CC2D2B: variants seen among roughly 807,000 people sequenced by gnomAD.
CC2D2B encodes coiled-coil and C2 domain containing 2B.
CC2D2B carries 128 observed loss-of-function variants against 161.2 expected under a neutral mutation model. The observed-to-expected ratio is 0.79, with a 90% confidence interval of 0.69 to 0.92. CC2D2B has a LOEUF of 0.92. CC2D2B is among the 40% of genes least tolerant of loss of function. The probability of loss-of-function intolerance (pLI) is 0.00; values close to 1 mark genes in which losing one functional copy is unlikely to be tolerated. For synonymous variants in CC2D2B, 391 were observed against 449.8 expected (o/e 0.87, Z 1.65); for missense variants, 1,173 against 1,375.1 (o/e 0.85, Z 2.32).
chr10:96,010,045 G>C (rs994889893), intron 26 of CC2D2B, 122 bp downstream of exon 26: 9 of 613,150 alleles, frequency 1.5e-5, no homozygotes, highest in African/African-American at 1.3e-4. Context: ...AGATGATCCT[G>C]TATTAGAATG....
At position 96,018,728 on chromosome 10, in the gene CC2D2B, TTTTC is replaced by T. The variant is rs1324112169; in HGVS notation, c.3631-467_3631-464del. The T allele has an allele frequency of 2.5e-5, 3 of 119,290 alleles. No homozygotes were observed. The East Asian group carries it at 1.2e-3, about 49-fold the overall frequency. 7.4% of individuals were successfully genotyped at this position (119,290 alleles called of 1,614,324 possible). On this transcript the variant is annotated intron_variant, in intron 30 of 34. Transcript: ENST00000646931. ...TCTGGAGCTTTGGTTTGTTTTTTCT[TTTTC>T]TTTCTTTTTTTTTTTTTTATTTCAA... is the stretch of plus-strand genomic sequence containing the variant.
Position 96,016,199 on chromosome 10 carries a change from A to G in CC2D2B, c.3517-2A>G. Reference sequence around the variant, plus strand: ...GTTCCTATTGCTTTTGTTTTGTCTTAGCACTGCATCAGTTTAGCTATCGGA... The same window carrying G: ...GTTCCTATTGCTTTTGTTTTGTCTTGGCACTGCATCAGTTTAGCTATCGGA... On this transcript the variant is annotated splice_acceptor_variant, in intron 29 of 34. Transcript: ENST00000646931. LOFTEE classifies it high-confidence loss of function. 1.3e-6 allele frequency: 2 copies of G among 1,599,282 alleles called. No homozygotes were observed. The highest frequency in any genetic ancestry group is 8.6e-7 in the Non-Finnish European group (1 of 1,167,746).
chr10:95,926,251 G>A (rs1293820977), intron 5 of CC2D2B, among the ~76,000 whole-genome samples: 1 of 151,994 alleles, frequency 6.6e-6, no homozygotes, highest in Non-Finnish European at 1.5e-5. Flanking sequence ...CAGGAAAAGG[G>A]GTTAAAAGGA....
intron 11 of CC2D2B, among the ~76,000 whole-genome samples, chr10:95,960,986 C>T (rs1025774373): frequency 3.3e-5 from 5 of 152,068 alleles, no homozygotes; most frequent in South Asian, 2.1e-4. Context: ...GCTTTGGAAC[C>T]GTCCAAATAG....
At chr10:95,993,944 ATG>A (rs1298829808) in intron 22 of CC2D2B, among the ~76,000 whole-genome samples, 171 of 22,874 alleles carry the variant, frequency 7.5e-3, no homozygotes, top group Non-Finnish European at 8.6e-3. Flanking sequence ...GTGTGTGTGT[ATG>A]TATGTGTATA....
chr10:95,953,097 A>G (rs2076457382), intron 10 of CC2D2B, among the ~76,000 whole-genome samples: 1 of 152,018 alleles, frequency 6.6e-6, no homozygotes. Context: ...GAATATATAT[A>G]TTTTTCTAGA....
chr10:96,001,699 T>C (rs1160579848), intron 24 of CC2D2B, among the ~76,000 whole-genome samples: 3 of 152,214 alleles, frequency 2.0e-5, no homozygotes, highest in African/African-American at 7.2e-5. Context: ...CTTAGAATTT[T>C]GTTAGCTTAG....
At chr10:95,985,906 C>T (rs766791942) in intron 19 of CC2D2B, among the ~76,000 whole-genome samples, 5 of 152,106 alleles carry the variant, frequency 3.3e-5, no homozygotes, top group African/African-American at 9.7e-5. Context: ...CCCGGTCTCC[C>T]GTAGCGCTCC....
At chr10:96,006,572 T>C (rs941213100) in intron 25 of CC2D2B, among the ~76,000 whole-genome samples, 4 of 152,130 alleles carry the variant, frequency 2.6e-5, no homozygotes. Context: ...GTCCCAACTC[T>C]ATGACTGCTA....
chr10:95,993,490 AC>A (rs1028017505), intron 22 of CC2D2B, among the ~76,000 whole-genome samples: 1 of 152,078 alleles, frequency 6.6e-6, no homozygotes, highest in African/African-American at 2.4e-5. Flanking sequence ...CCTATGAAAA[AC>A]AAATGCTTTG....
rs1183698562 is a variant in CC2D2B at position 95,982,006 on chromosome 10, C to A, written c.1975C>A (p.Pro659Thr). The change falls in exon 18 of 35, where the codon CCT becomes ACT. Residue 659 changes from proline to threonine, a missense_variant. Pro to Thr is a conservative substitution (Grantham distance 38). Around this residue, in one of 3 missense-constraint regions of CC2D2B, gnomAD observed 277 missense variants for 420.6 expected, o/e 0.66. Coordinates refer to ENST00000646931, the MANE Select transcript of CC2D2B (RefSeq NM_001349008.3). ...AAGGAATGTAGATGCAAGAAGTGTT[C>A]CTGGAATTCCATGGCTCATGAATGA... Reference protein sequence around the residue: ...MLRNVDARSVPGIPWLMNEQK... With the variant: ...MLRNVDARSVTGIPWLMNEQK... 1.5e-5 allele frequency: 19 copies of A among 1,230,360 alleles called. No homozygotes were observed. The highest frequency in any genetic ancestry group is 1.7e-5 in the Non-Finnish European group (17 of 986,662). 76.2% of individuals were successfully genotyped at this position (1,230,360 alleles called of 1,614,324 possible). A position where few individuals can be genotyped will look rare whatever the true frequency, so the allele number is the denominator to read the frequency against.
chr10:95,931,071 T>C (rs1428271166), intron 6 of CC2D2B, among the ~76,000 whole-genome samples: 1 of 152,212 alleles, frequency 6.6e-6, no homozygotes, highest in East Asian at 1.9e-4. Flanking sequence ...GAATTTGATA[T>C]TGGTCTATTC....
chr10:96,003,001 C>G (rs771439448), intron 24 of CC2D2B, among the ~76,000 whole-genome samples: 1 of 137,150 alleles, frequency 7.3e-6, no homozygotes, highest in Non-Finnish European at 1.5e-5. Context: ...AAAGATAGAC[C>G]CTGTCTCAAA....
chr10:95,956,201 C>T (rs2141379214), intron 11 of CC2D2B, among the ~76,000 whole-genome samples: 1 of 152,240 alleles, frequency 6.6e-6, no homozygotes, highest in East Asian at 1.9e-4. Context: ...TGAAAGAGCA[C>T]AATTTTAATC....
intron 17 of CC2D2B, among the ~76,000 whole-genome samples, chr10:95,977,754 G>A (rs1289767833): frequency 6.6e-6 from 1 of 152,178 alleles, no homozygotes; most frequent in Non-Finnish European, 1.5e-5. Context: ...CTTTGAAGCT[G>A]TTACAGTACT....
intron 25 of CC2D2B, among the ~76,000 whole-genome samples, chr10:96,009,244 C>T (rs1315074771): frequency 6.6e-6 from 1 of 152,032 alleles, no homozygotes; most frequent in Non-Finnish European, 1.5e-5. Flanking sequence ...CAATCTCTGC[C>T]TTTGAATGTA....
At chr10:95,996,389 AAACT>A in intron 24 of CC2D2B, 137 bp downstream of exon 24, 1 of 536,884 alleles carries the variant, frequency 1.9e-6, no homozygotes, top group Non-Finnish European at 3.3e-6. Context: ...TCATGCACAT[AAACT>A]AATACATAAT....
chr10:96,009,975 G>C (rs1247717769), intron 26 of CC2D2B, 52 bp downstream of exon 26: 1 of 1,129,198 alleles, frequency 8.9e-7, no homozygotes, highest in African/African-American at 1.5e-5. Flanking sequence ...CTGGCTCATA[G>C]AAAAACTTTC....
At chr10:96,003,435 A>ATTTT (rs75348504) in intron 24 of CC2D2B, among the ~76,000 whole-genome samples, 69,753 of 151,138 alleles carry the variant, frequency 0.46, 16,404 homozygotes, top group East Asian at 0.82. Context: ...GTATTTATTT[A>ATTTT]GAGATGGAGT....
Sources: allele counts gnomAD v4.1 joint callset (sites outside exome capture counted in the v4.1 genomes callset), GRCh38; gene constraint gnomAD v4.1.1; regional missense constraint gnomAD v4.1.1; transcripts MANE v1.5; gene names NCBI Gene and HGNC (gene_info 2026-07-23, HGNC 2026-07-21).